Variants in GABRG3 observed in about 807,000 individuals in gnomAD.
GABRG3 encodes gamma-aminobutyric acid type A receptor subunit gamma3.
GABRG3 carries 25 observed loss-of-function variants against 48.8 expected under a neutral mutation model. That is an observed-to-expected ratio of 0.51 (90% CI 0.37 to 0.72). The LOEUF (loss-of-function observed/expected upper bound fraction) is 0.72, where lower values mean the gene tolerates loss of function less well. Among genes scored for constraint, GABRG3 ranks in the 30% least tolerant of loss-of-function variants. GABRG3 has a pLI of 0.00. For missense variants in GABRG3, 394 were observed against 577.9 expected (o/e 0.68, Z 3.26); for synonymous variants, 227 against 217.6 (o/e 1.04, Z -0.38).
In GABRG3 at chr15:27,539,614, G is replaced by T. The variant is rs1891621326; in HGVS notation, c.*6733G>T. 6.6e-6 allele frequency: 1 copy of T among 152,104 alleles called. No individual in the cohort carries two copies. 9.4% of individuals were successfully genotyped at this position (152,104 alleles called of 1,614,324 possible). A position where few individuals can be genotyped will look rare whatever the true frequency, so the allele number is the denominator to read the frequency against. On this transcript the variant is annotated 3_prime_UTR_variant, in exon 10 of 10. Coordinates refer to ENST00000615808, the MANE Select transcript of GABRG3 (RefSeq NM_033223.5). Reference sequence around the variant, plus strand: ...TATTGTTTATATTTGTAACAGGAAGGATTTTCAATGTCAATTTCATCCATG... The same window carrying T: ...TATTGTTTATATTTGTAACAGGAAGTATTTTCAATGTCAATTTCATCCATG...
At chr15:26,995,299 A>G (rs920263528) in intron 2 of GABRG3, among the ~76,000 whole-genome samples, 3 of 151,952 alleles carry the variant, frequency 2.0e-5, no homozygotes, top group Admixed American at 6.5e-5. Flanking sequence ...TTTGCATTGT[A>G]TACCTTTTTC....
intron 5 of GABRG3, among the ~76,000 whole-genome samples, chr15:27,370,042 TAAATTTTCAGTTCTTGAA>T (rs1222384471): frequency 2.6e-5 from 4 of 152,072 alleles, no homozygotes; most frequent in Admixed American, 2.6e-4. Flanking sequence ...TCTAATCAAT[TAAATTTTCAGTTCTTGAA>T]AAACAAAGCC....
intron 2 of GABRG3, among the ~76,000 whole-genome samples, chr15:27,015,623 G>T (rs1481279186): frequency 6.6e-6 from 1 of 151,704 alleles, no homozygotes; most frequent in Admixed American, 6.6e-5. Context: ...TCCTGACCTT[G>T]TGATCCACCC....
chr15:27,470,006 CTAATTA>C (rs1335873638), intron 5 of GABRG3, among the ~76,000 whole-genome samples: 7 of 152,142 alleles, frequency 4.6e-5, no homozygotes, highest in East Asian at 3.9e-4. Context: ...GTGGCATATT[CTAATTA>C]TATCATTCCT....
At chr15:27,443,477 T>C (rs1888851033) in intron 5 of GABRG3, among the ~76,000 whole-genome samples, 1 of 152,228 alleles carries the variant, frequency 6.6e-6, no homozygotes, top group Non-Finnish European at 1.5e-5. Flanking sequence ...TTAAAATTCA[T>C]TTTGAATCAT....
chr15:27,406,041 C>A (rs1284039219), intron 5 of GABRG3, among the ~76,000 whole-genome samples: 1 of 152,068 alleles, frequency 6.6e-6, no homozygotes, highest in Non-Finnish European at 1.5e-5. Context: ...CCTGTAATCC[C>A]AGCTACATGA....
intron 3 of GABRG3, among the ~76,000 whole-genome samples, chr15:27,321,198 G>A (rs372199212): frequency 5.3e-5 from 8 of 152,194 alleles, no homozygotes; most frequent in Admixed American, 3.3e-4. Context: ...CCCCTGGTGC[G>A]GGGCCTTCAC....
intron 3 of GABRG3, among the ~76,000 whole-genome samples, chr15:27,182,538 T>G (rs145488332): frequency 2.5e-4 from 38 of 152,302 alleles, no homozygotes; most frequent in African/African-American, 9.1e-4. Flanking sequence ...GACTTTAGAA[T>G]TGGACACCCC....
At position 27,214,375 on chromosome 15, in the gene GABRG3, A is replaced by ATCCTCCTC. The variant is rs1466785761; in HGVS notation, c.271-112426_271-112419dup. Among the ~76,000 whole-genome samples, 3 of 152,330 alleles carry ATCCTCCTC rather than the reference A, an allele frequency of 2.0e-5. No homozygotes were observed. The East Asian group carries it at 5.8e-4, about 29-fold the overall frequency. Reference sequence around the variant, plus strand: ...GCCGCGTCGGGTATGCTGGGGACAGATCCTCCTCTCCTCCTGAGCCCTGGT... The same window carrying ATCCTCCTC: ...GCCGCGTCGGGTATGCTGGGGACAGATCCTCCTCTCCTCCTCTCCTCCTGAGCCCTGGT... On this transcript the variant is annotated intron_variant, in intron 3 of 9. Transcript: ENST00000615808.
intron 3 of GABRG3, among the ~76,000 whole-genome samples, chr15:27,124,862 CCTTTTT>C (rs1897791852): frequency 6.6e-6 from 1 of 152,208 alleles, no homozygotes; most frequent in African/African-American, 2.4e-5. Flanking sequence ...GCTTGCCCAA[CCTTTTT>C]CTTTTTCAGC....
chr15:27,525,138 T>C (rs1481660946), intron 7 of GABRG3, among the ~76,000 whole-genome samples: 1 of 150,740 alleles, frequency 6.6e-6, no homozygotes, highest in Non-Finnish European at 1.5e-5. Flanking sequence ...AAACTATCGA[T>C]GAAGCAGCAG....
chr15:27,439,612 G>A (rs546197934), intron 5 of GABRG3, among the ~76,000 whole-genome samples: 5 of 152,226 alleles, frequency 3.3e-5, no homozygotes, highest in Admixed American at 6.5e-5. Context: ...TGGCTGGACA[G>A]TGGTAGTCTC....
At chr15:27,058,346 C>G (rs1417731500) in intron 3 of GABRG3, among the ~76,000 whole-genome samples, 1 of 152,208 alleles carries the variant, frequency 6.6e-6, no homozygotes, top group Non-Finnish European at 1.5e-5. Context: ...ATGGCAGAGC[C>G]TTGCTGAGCA....
chr15:27,373,793 A>G (rs1318220060), intron 5 of GABRG3, among the ~76,000 whole-genome samples: 2 of 152,188 alleles, frequency 1.3e-5, no homozygotes, highest in Non-Finnish European at 2.9e-5. Context: ...AATTTTATCT[A>G]TAAACATTCA....
At chr15:27,307,349 ATG>A (rs1229614442) in intron 3 of GABRG3, among the ~76,000 whole-genome samples, 1 of 135,290 alleles carries the variant, frequency 7.4e-6, no homozygotes, top group Non-Finnish European at 1.6e-5. Flanking sequence ...AGGTTTATAT[ATG>A]TTTATATATA....
At chr15:27,165,346 C>T (rs1211956009) in intron 3 of GABRG3, among the ~76,000 whole-genome samples, 2 of 152,188 alleles carry the variant, frequency 1.3e-5, no homozygotes, top group South Asian at 2.1e-4. Context: ...CCACCAAGCA[C>T]ACAATGACCT....
intron 3 of GABRG3, among the ~76,000 whole-genome samples, chr15:27,308,937 TATA>T (rs1269877279): frequency 1.4e-5 from 2 of 144,852 alleles, no homozygotes; most frequent in African/African-American, 5.6e-5. Context: ...TGAAAACACA[TATA>T]ATGTAAACAT....
At chr15:27,436,182 C>G (rs1595753191) in intron 5 of GABRG3, among the ~76,000 whole-genome samples, 1 of 152,292 alleles carries the variant, frequency 6.6e-6, no homozygotes, top group Non-Finnish European at 1.5e-5. Flanking sequence ...AAGGCACTAG[C>G]AGATTAGACG....
chr15:26,979,174 A>G (rs12899579), intron 2 of GABRG3, among the ~76,000 whole-genome samples: 70,276 of 151,960 alleles, frequency 0.46, 16,522 homozygotes, highest in East Asian at 0.68. Context: ...TGGTATGTTG[A>G]TGTGTTCTCT....
Sources: gnomAD v4.1 joint callset for allele counts (sites outside exome capture counted in the v4.1 genomes callset) on GRCh38, gnomAD v4.1.1 for gene constraint, MANE v1.5 for transcripts, NCBI Gene and HGNC (gene_info 2026-07-23, HGNC 2026-07-21) for gene names.